CAMSAP2: variants seen among roughly 807,000 people sequenced by gnomAD.
CAMSAP2 encodes the protein calmodulin-regulated spectrin-associated protein 2.
CAMSAP2 carries 26 observed loss-of-function variants against 146.1 expected under a neutral mutation model. The observed-to-expected ratio is 0.18, with a 90% CI of 0.13 to 0.25. The LOEUF is 0.25. Ranked by LOEUF, CAMSAP2 falls within the 10% of genes least tolerant of loss-of-function variation. CAMSAP2 has a pLI of 1.00. For synonymous variants in CAMSAP2, 499 were observed against 596.6 expected (o/e 0.84, Z 2.38); for missense variants, 1,381 against 1,759.3 (o/e 0.78, Z 3.85).
intron 2 of CAMSAP2, among the ~76,000 whole-genome samples, chr1:200,795,499 A>G (rs1276444109): frequency 2.0e-5 from 3 of 152,126 alleles, no homozygotes; most frequent in African/African-American, 7.2e-5. Flanking sequence ...CCATTCCTGT[A>G]TGTGTCCATC....
chr1:200,817,272 A>ACACACG (rs1553288883), intron 4 of CAMSAP2, among the ~76,000 whole-genome samples: 1 of 119,822 alleles, frequency 8.3e-6, no homozygotes, highest in African/African-American at 3.0e-5. Flanking sequence ...ATACACACAT[A>ACACACG]TATATATATT....
At chr1:200,784,745 T>C (rs114513116) in intron 2 of CAMSAP2, among the ~76,000 whole-genome samples, 544 of 152,314 alleles carry the variant, frequency 3.6e-3, no homozygotes, top group Non-Finnish European at 5.5e-3. Flanking sequence ...TGCTCCCCGC[T>C]TCTTATTGCA....
intron 2 of CAMSAP2, among the ~76,000 whole-genome samples, chr1:200,781,919 A>G (rs1665445180): frequency 6.6e-6 from 1 of 151,894 alleles, no homozygotes; most frequent in East Asian, 1.9e-4. Context: ...CTCATTGGCA[A>G]CTCCATTATT....
intron 2 of CAMSAP2, among the ~76,000 whole-genome samples, chr1:200,764,279 G>A (rs1459779507): frequency 2.0e-5 from 3 of 152,092 alleles, no homozygotes; most frequent in Non-Finnish European, 2.9e-5. Context: ...GAAAAAAAGT[G>A]TGGTGGTAGC....
intron 13 of CAMSAP2, among the ~76,000 whole-genome samples, chr1:200,854,170 T>C (rs1176147078): frequency 1.3e-5 from 2 of 152,036 alleles, no homozygotes; most frequent in African/African-American, 4.8e-5. Context: ...TTTGTACAGA[T>C]GGGGTTTCTT....
Position 200,858,804 on chromosome 1 carries a change from C to T in CAMSAP2, c.*745C>T, listed in dbSNP as rs980800934. On this transcript the variant is annotated 3_prime_UTR_variant, in exon 17 of 17. Transcript: ENST00000358823. The stretch of plus-strand genomic sequence containing the variant: ...TGTTATGAGAAGTTGCTGATTAAAT[C>T]AGTGCTGTTTTTACACCACTTCTGG... The T allele has an allele frequency of 6.6e-6, 1 of 152,592 alleles. No individual in the cohort carries two copies. The highest frequency in any genetic ancestry group is 2.4e-5 in the African/African-American group (1 of 41,430). 9.5% of individuals were successfully genotyped at this position (152,592 alleles called of 1,614,324 possible).
At chr1:200,845,069 C>A (rs777488538) in intron 8 of CAMSAP2, among the ~76,000 whole-genome samples, 200 bp downstream of exon 8, 1 of 152,106 alleles carries the variant, frequency 6.6e-6, no homozygotes, top group Non-Finnish European at 1.5e-5. Flanking sequence ...ATGTACCACA[C>A]TGAAAAGATG....
intron 4 of CAMSAP2, among the ~76,000 whole-genome samples, chr1:200,826,185 C>G (rs1204314557): frequency 2.0e-5 from 3 of 152,106 alleles, no homozygotes; most frequent in Non-Finnish European, 4.4e-5. Context: ...AATCCCAGCA[C>G]TTTGGGAGGC....
chr1:200,851,115 C>T (rs373466763), intron 11 of CAMSAP2, among the ~76,000 whole-genome samples: 3 of 152,158 alleles, frequency 2.0e-5, no homozygotes, highest in East Asian at 3.8e-4. Context: ...TCCTGTGTCC[C>T]GGAGTTTTCA....
intron 2 of CAMSAP2, among the ~76,000 whole-genome samples, chr1:200,773,093 CTTTG>C (rs2103014752): frequency 6.6e-6 from 1 of 152,140 alleles, no homozygotes; most frequent in South Asian, 2.1e-4. Flanking sequence ...TTTTATATTC[CTTTG>C]TTTGTAATCT....
chr1:200,755,655 G>C (rs562283802), intron 1 of CAMSAP2, among the ~76,000 whole-genome samples: 2 of 152,292 alleles, frequency 1.3e-5, no homozygotes, highest in East Asian at 3.9e-4. Flanking sequence ...TACCTTCTTG[G>C]AAGGCAAGGC....
At chr1:200,790,516 T>G (rs1665720573) in intron 2 of CAMSAP2, among the ~76,000 whole-genome samples, 1 of 152,188 alleles carries the variant, frequency 6.6e-6, no homozygotes. Context: ...CAGTTACAGT[T>G]TAGTTTTCCT....
At chr1:200,793,084 G>C (rs975396916) in intron 2 of CAMSAP2, among the ~76,000 whole-genome samples, 14 of 152,174 alleles carry the variant, frequency 9.2e-5, no homozygotes, top group African/African-American at 3.4e-4. Context: ...ATTTCTCACT[G>C]GTAGTGAGAA....
chr1:200,812,551 C>G (rs574307639), intron 3 of CAMSAP2, among the ~76,000 whole-genome samples: 35 of 152,264 alleles, frequency 2.3e-4, no homozygotes, highest in African/African-American at 8.2e-4. Context: ...CCTTGCCTCT[C>G]AGATTTAGTA....
intron 3 of CAMSAP2, among the ~76,000 whole-genome samples, chr1:200,813,744 C>G (rs1482735290): frequency 6.6e-6 from 1 of 152,004 alleles, no homozygotes; most frequent in Non-Finnish European, 1.5e-5. Context: ...AGGATATTTC[C>G]AAACTGGCAG....
chr1:200,789,379 C>CTT (rs971970238), intron 2 of CAMSAP2, among the ~76,000 whole-genome samples: 6 of 147,064 alleles, frequency 4.1e-5, no homozygotes, highest in South Asian at 2.2e-4. Flanking sequence ...TGTCTAGAGT[C>CTT]TTTTTTTTTT....
chr1:200,816,989 T>C (rs1666572093), intron 4 of CAMSAP2, among the ~76,000 whole-genome samples: 1 of 136,022 alleles, frequency 7.4e-6, no homozygotes, highest in Admixed American at 7.0e-5. Context: ...TCTACACATA[T>C]ATACATATAT....
intron 7 of CAMSAP2, among the ~76,000 whole-genome samples, chr1:200,842,849 G>A (rs1456445999): frequency 2.6e-5 from 4 of 152,092 alleles, no homozygotes; most frequent in Non-Finnish European, 4.4e-5. Context: ...GTTGGTGCAT[G>A]CCTGTAATTC....
At chr1:200,818,780 C>G (rs1246204608) in intron 4 of CAMSAP2, among the ~76,000 whole-genome samples, 2 of 152,142 alleles carry the variant, frequency 1.3e-5, no homozygotes, top group African/African-American at 4.8e-5. Context: ...AAAATTCATG[C>G]TCCTTTTCTT....
Sources: allele counts gnomAD v4.1 joint callset (sites outside exome capture counted in the v4.1 genomes callset), GRCh38; gene constraint gnomAD v4.1.1; transcripts MANE v1.5; gene names NCBI Gene and HGNC (gene_info 2026-07-23, HGNC 2026-07-21).